The following SIPA1L2 variants were observed in gnomAD, a reference collection of about 807,000 sequenced individuals.
SIPA1L2 encodes signal-induced proliferation-associated 1-like protein 2.
In SIPA1L2, 56 loss-of-function variants were observed where a neutral mutation model predicts 163.9. The observed-to-expected ratio is 0.34, with a 90% CI of 0.28 to 0.43. The LOEUF (loss-of-function observed/expected upper bound fraction) is 0.43. Ranked by LOEUF, SIPA1L2 falls within the 20% of genes least tolerant of loss-of-function variation. SIPA1L2 has a pLI of 1.00. For missense variants in SIPA1L2, 1,974 were observed against 2,193.5 expected (o/e 0.90, Z 2.00); for synonymous variants, 877 against 865.7 (o/e 1.01, Z -0.23).
At chr1:232,495,884 C>T (rs1185540213) in intron 3 of SIPA1L2, among the ~76,000 whole-genome samples, 1 of 151,870 alleles carries the variant, frequency 6.6e-6, no homozygotes, top group African/African-American at 2.4e-5. Flanking sequence ...ATAATAGATA[C>T]AAAGAAAGCA....
At chr1:232,563,260 T>A (rs1659149946) in intron 2 of SIPA1L2, among the ~76,000 whole-genome samples, 1 of 152,178 alleles carries the variant, frequency 6.6e-6, no homozygotes, top group African/African-American at 2.4e-5. Flanking sequence ...AAAACTAAAT[T>A]GTATTTTCAG....
chr1:232,599,138 G>A (rs1397331237), intron 1 of SIPA1L2, among the ~76,000 whole-genome samples: 1 of 152,114 alleles, frequency 6.6e-6, no homozygotes, highest in Non-Finnish European at 1.5e-5. Context: ...ACAGCAACCA[G>A]CTCTATGCTT....
intron 13 of SIPA1L2, 43 bp from the exon 14 acceptor site, chr1:232,441,437 A>C (rs778511520): frequency 6.7e-7 from 1 of 1,491,558 alleles, no homozygotes; most frequent in Admixed American, 1.9e-5. Flanking sequence ...AATTTCCAGT[A>C]TTACCAAAAG....
At chr1:232,434,306 C>T (rs111274276) in intron 15 of SIPA1L2, among the ~76,000 whole-genome samples, 182 of 152,244 alleles carry the variant, frequency 1.2e-3, no homozygotes, top group African/African-American at 4.1e-3. Context: ...AATAAACGGA[C>T]CCATTTTCAG....
intron 6 of SIPA1L2, among the ~76,000 whole-genome samples, chr1:232,482,991 C>T (rs890292626): frequency 1.3e-5 from 2 of 152,158 alleles, no homozygotes; most frequent in Non-Finnish European, 1.5e-5. Context: ...CAGAATTTTC[C>T]AATATGCATC....
At chr1:232,471,759 T>C (rs1052882435) in intron 7 of SIPA1L2, among the ~76,000 whole-genome samples, 7 of 152,192 alleles carry the variant, frequency 4.6e-5, no homozygotes, top group Non-Finnish European at 1.5e-5. Context: ...TAAAATTCAA[T>C]TTGTACTCTC....
At chr1:232,493,771 T>A in intron 3 of SIPA1L2, 111 bp from the exon 4 acceptor site, 1 of 1,328,498 alleles carries the variant, frequency 7.5e-7, no homozygotes, top group East Asian at 2.4e-5. Context: ...ACATAGCTCA[T>A]ACACAGTGAT....
At chr1:232,467,225 A>G (rs1664567761) in intron 8 of SIPA1L2, among the ~76,000 whole-genome samples, 1 of 152,198 alleles carries the variant, frequency 6.6e-6, no homozygotes, top group African/African-American at 2.4e-5. Flanking sequence ...GGAAGCAATG[A>G]CTGCTTTGCT....
At chr1:232,462,115 A>G in intron 9 of SIPA1L2, 1 of 1,038,752 alleles carries the variant, frequency 9.6e-7, no homozygotes, top group Non-Finnish European at 1.5e-6. Flanking sequence ...CACAAAAAGG[A>G]ACATGAAAGA....
intron 15 of SIPA1L2, among the ~76,000 whole-genome samples, chr1:232,438,886 T>C (rs1253723646): frequency 1.5e-5 from 2 of 132,778 alleles, no homozygotes; most frequent in Non-Finnish European, 3.2e-5. Context: ...TCAAACTTAA[T>C]AGGAAAAAAA....
intron 3 of SIPA1L2, among the ~76,000 whole-genome samples, chr1:232,504,347 T>C (rs1572996321): frequency 6.6e-6 from 1 of 152,248 alleles, no homozygotes; most frequent in African/African-American, 2.4e-5. Flanking sequence ...AAGACCAGCC[T>C]GGCCAACATG....
At chr1:232,407,977 C>T (rs190031597) in intron 19 of SIPA1L2, among the ~76,000 whole-genome samples, 97 of 152,172 alleles carry the variant, frequency 6.4e-4, no homozygotes, top group Non-Finnish European at 1.0e-3. Context: ...CCATGTTTAA[C>T]GGGGGACGAA....
intron 1 of SIPA1L2, among the ~76,000 whole-genome samples, chr1:232,603,059 T>C (rs1661689141): frequency 6.6e-6 from 1 of 152,080 alleles, no homozygotes; most frequent in Non-Finnish European, 1.5e-5. Context: ...TGATGCAGAA[T>C]TAGCGGATGC....
chr1:232,565,158 C>G (rs1241360768), intron 2 of SIPA1L2, among the ~76,000 whole-genome samples: 1 of 152,190 alleles, frequency 6.6e-6, no homozygotes, highest in Non-Finnish European at 1.5e-5. Flanking sequence ...GCTAGATCAA[C>G]AAGCATCGTC....
intron 7 of SIPA1L2, 57 bp downstream of exon 7, chr1:232,479,569 TG>T: frequency 7.3e-7 from 1 of 1,363,476 alleles, no homozygotes; most frequent in Non-Finnish European, 1.1e-6. Flanking sequence ...ATATCATCAG[TG>T]GGCCCACCTC....
In SIPA1L2 at chr1:232,587,997, CT is replaced by C. The variant is rs1346320856; in HGVS notation, c.-318-13776del. On this transcript the variant is annotated intron_variant, in intron 1 of 22. Coordinates refer to ENST00000674635, the MANE Select transcript of SIPA1L2 (RefSeq NM_020808.5). ...TACTGTGGGTCCATTAAACCTCTTTCTTTTGTAAACTGCCCAGTCTCGGGTA... is the reference window on the plus strand; with the variant it reads ...TACTGTGGGTCCATTAAACCTCTTTCTTTGTAAACTGCCCAGTCTCGGGTA... Among the ~76,000 whole-genome samples, 4 of 152,178 alleles carry C rather than the reference CT, an allele frequency of 2.6e-5. No homozygotes were observed. In the East Asian group the frequency reaches 7.7e-4, roughly 29 times the overall value.
intron 10 of SIPA1L2, among the ~76,000 whole-genome samples, chr1:232,455,538 G>A (rs542790121): frequency 1.3e-5 from 2 of 152,028 alleles, no homozygotes; most frequent in South Asian, 2.1e-4. Context: ...AACATTAGCC[G>A]GGCGTGGTGG....
chr1:232,524,935 T>C (rs1366309362), intron 2 of SIPA1L2, among the ~76,000 whole-genome samples: 1 of 152,186 alleles, frequency 6.6e-6, no homozygotes, highest in Non-Finnish European at 1.5e-5. Context: ...AACTTACATA[T>C]ATACAAATAA....
intron 1 of SIPA1L2, among the ~76,000 whole-genome samples, chr1:232,615,776 G>T (rs1359647773): frequency 1.3e-5 from 2 of 152,082 alleles, no homozygotes; most frequent in Admixed American, 6.5e-5. Context: ...ATGAGGGGGG[G>T]CAGGGAGGAC....
Sources: allele counts gnomAD v4.1 joint callset (sites outside exome capture counted in the v4.1 genomes callset), GRCh38; gene constraint gnomAD v4.1.1; transcripts MANE v1.5; gene names NCBI Gene and HGNC (gene_info 2026-07-23, HGNC 2026-07-21).